Variants in FGF14 observed in about 807,000 individuals in gnomAD.
FGF14 encodes fibroblast growth factor 14.
FGF14 carries 5 observed loss-of-function variants against 25.5 expected under a neutral mutation model. The ratio of observed to expected loss-of-function variants is 0.20; its 90% CI spans 0.10 to 0.41. The LOEUF (loss-of-function observed/expected upper bound fraction) is 0.41, where lower values mean the gene tolerates loss of function less well. Ranked by LOEUF, FGF14 falls within the 10% of genes least tolerant of loss-of-function variation. The probability of loss-of-function intolerance (pLI) is 1.00; values close to 1 mark genes in which losing one functional copy is unlikely to be tolerated. For synonymous variants in FGF14, 138 were observed against 118.3 expected, an observed-to-expected ratio of 1.17 and a Z score of -1.08; for missense variants, 222 against 320.1, an observed-to-expected ratio of 0.69 and a Z score of 2.34.
At chr13:102,131,880 T>A (rs1187504186) in intron 1 of FGF14, among the ~76,000 whole-genome samples, 5 of 152,128 alleles carry the variant, frequency 3.3e-5, no homozygotes, top group African/African-American at 1.2e-4. Context: ...GTGAGATTCA[T>A]CGAAATAGCA....
chr13:102,353,401 C>T (rs2057341896), intron 1 of FGF14, among the ~76,000 whole-genome samples: 2 of 152,140 alleles, frequency 1.3e-5, no homozygotes, highest in African/African-American at 4.8e-5. Context: ...TCAATGTGAT[C>T]ACCCCAAAGC....
intron 2 of FGF14, among the ~76,000 whole-genome samples, chr13:101,874,698 A>G (rs1401828034): frequency 3.3e-5 from 5 of 152,132 alleles, no homozygotes; most frequent in Admixed American, 2.6e-4. Flanking sequence ...GTTTTTTTCT[A>G]TAAGAAAGTT....
intron 1 of FGF14, among the ~76,000 whole-genome samples, chr13:102,143,025 T>C (rs1414198109): frequency 1.3e-5 from 2 of 152,152 alleles, no homozygotes; most frequent in Admixed American, 1.3e-4. Context: ...GTTTTGTCAT[T>C]TTCCTCCTGA....
intron 1 of FGF14, among the ~76,000 whole-genome samples, chr13:102,258,192 C>CT (rs2052542354): frequency 6.6e-6 from 1 of 152,146 alleles, no homozygotes; most frequent in Non-Finnish European, 1.5e-5. Flanking sequence ...ACTCAATTAT[C>CT]TCCCACCAGG....
chr13:101,717,357 A>G lies in FGF14; in HGVS notation c.*5474T>C, dbSNP rs9645866. On this transcript the variant is annotated 3_prime_UTR_variant, in exon 5 of 5. Coordinates refer to ENST00000376143, the MANE Select transcript of FGF14 (RefSeq NM_004115.4). ...AGGAGTGCAACCATGTTGTAGTTCTATTATTGAGTACGTAAATTGATAGAT... is the reference window on the plus strand; with the variant it reads ...AGGAGTGCAACCATGTTGTAGTTCTGTTATTGAGTACGTAAATTGATAGAT... 1.3e-5 allele frequency: 2 copies of G among 152,014 alleles called. No homozygotes were observed. Among genetic ancestry groups the G allele is most frequent in the Non-Finnish European group, 2.9e-5 (2 of 67,980 alleles). 9.4% of individuals were successfully genotyped at this position (152,014 alleles called of 1,614,324 possible). A position where few individuals can be genotyped will look rare whatever the true frequency, so the allele number is the denominator to read the frequency against.
intron 1 of FGF14, among the ~76,000 whole-genome samples, chr13:102,210,444 A>G (rs2050110304): frequency 2.0e-5 from 3 of 152,210 alleles, no homozygotes; most frequent in Admixed American, 2.0e-4. Context: ...CATTTACATT[A>G]AAAACTACAT....
intron 1 of FGF14, among the ~76,000 whole-genome samples, chr13:102,278,738 A>G (rs1443666825): frequency 6.6e-6 from 1 of 151,964 alleles, no homozygotes; most frequent in Non-Finnish European, 1.5e-5. Context: ...CATAACGCTC[A>G]TTTGTTACAT....
chr13:102,245,511 T>C (rs1351165939), intron 1 of FGF14, among the ~76,000 whole-genome samples: 1 of 151,976 alleles, frequency 6.6e-6, no homozygotes, highest in Non-Finnish European at 1.5e-5. Context: ...AATGAAGGAG[T>C]AAATTTATGA....
chr13:102,346,828 G>A (rs543653379), intron 1 of FGF14, among the ~76,000 whole-genome samples: 6 of 152,130 alleles, frequency 3.9e-5, no homozygotes, highest in South Asian at 4.2e-4. Flanking sequence ...TGTGACTAGC[G>A]AGGCATTGCA....
intron 1 of FGF14, among the ~76,000 whole-genome samples, chr13:101,942,062 C>T (rs2035489607): frequency 6.6e-6 from 1 of 152,188 alleles, no homozygotes; most frequent in Non-Finnish European, 1.5e-5. Context: ...CATTAATTGA[C>T]TATTGGGCTA....
chr13:102,164,359 T>G (rs1175463523), intron 1 of FGF14, among the ~76,000 whole-genome samples: 1 of 152,188 alleles, frequency 6.6e-6, no homozygotes, highest in Non-Finnish European at 1.5e-5. Context: ...ACTTGAATAT[T>G]AGACACTGTG....
Position 101,979,444 on chromosome 13 carries a change from A to G in FGF14, c.209-104148T>C, listed in dbSNP as rs182061714. On this transcript the variant is annotated intron_variant, in intron 1 of 4. Coordinates refer to the FGF14 transcript ENST00000376131. ...ACTGAATTTCCCTTAACAAACTTCAAAATAGGCCTTGTTATTAGCCCTATT... is the reference window on the plus strand; with the variant it reads ...ACTGAATTTCCCTTAACAAACTTCAGAATAGGCCTTGTTATTAGCCCTATT... 1.2e-3 allele frequency among the ~76,000 whole-genome samples: 190 copies of G among 152,302 alleles called. 1 individual carries two copies. The highest frequency in any genetic ancestry group is 8.1e-4 in the Non-Finnish European group (55 of 68,022).
chr13:102,283,865 G>C (rs1415948000), intron 1 of FGF14, among the ~76,000 whole-genome samples: 1 of 152,150 alleles, frequency 6.6e-6, no homozygotes, highest in Non-Finnish European at 1.5e-5. Flanking sequence ...CAATTTCTGA[G>C]TCTCATTTCC....
At chr13:102,214,542 T>G (rs1224200876) in intron 1 of FGF14, among the ~76,000 whole-genome samples, 1 of 152,206 alleles carries the variant, frequency 6.6e-6, no homozygotes, top group Non-Finnish European at 1.5e-5. Flanking sequence ...TCATTAAGTG[T>G]GTTAAATTCA....
At chr13:101,873,509 C>A (rs1197196770) in intron 2 of FGF14, among the ~76,000 whole-genome samples, 1 of 152,050 alleles carries the variant, frequency 6.6e-6, no homozygotes, top group South Asian at 2.1e-4. Context: ...CTAGTTATTA[C>A]GTTCTAATCC....
chr13:101,822,521 C>T (rs2984844), intron 3 of FGF14, among the ~76,000 whole-genome samples: 92,119 of 150,788 alleles, frequency 0.61, 28,166 homozygotes, highest in South Asian at 0.69. Context: ...TGCTGGGATT[C>T]TGACATGGAT....
chr13:102,363,548 C>T (rs2057626033), intron 1 of FGF14, among the ~76,000 whole-genome samples: 1 of 152,200 alleles, frequency 6.6e-6, no homozygotes, highest in Non-Finnish European at 1.5e-5. Flanking sequence ...TGTTCCAGTA[C>T]ACCACCACTG....
rs201033233 is a variant in FGF14 at position 101,724,597 on chromosome 13, AATATATATATAT to A, written c.608-1642_608-1631del. Among the ~76,000 whole-genome samples, 764 of 121,264 alleles carry A rather than the reference AATATATATATAT, an allele frequency of 6.3e-3. 4 individuals are homozygous for A. Among genetic ancestry groups the A allele is most frequent in the African/African-American group, 0.018 (601 of 32,698 alleles). 79.6% of individuals were successfully genotyped at this position (121,264 alleles called of 152,430 possible). On this transcript the variant is annotated intron_variant, in intron 4 of 4. Transcript: ENST00000376143. ...CCTAGAACTTAAAGTATAATAATAA[AATATATATATAT>A]ATATATATATATATATATATATAAA...
rs149817666 is a variant in FGF14, at chr13:102,362,197, C to A, written c.208+39274G>T. 3.1e-3 allele frequency among the ~76,000 whole-genome samples: 477 copies of A among 152,292 alleles called. 5 individuals are homozygous for A. Among genetic ancestry groups the A allele is most frequent in the African/African-American group, 0.011 (467 of 41,580 alleles). On this transcript the variant is annotated intron_variant, in intron 1 of 4. Transcript: ENST00000376131. Reference sequence around the variant, plus strand: ...GGCCTGGGTTTAACCGTTTCATCTCCATTTCTAGCCACTCCTAACACTAGG... The same window carrying A: ...GGCCTGGGTTTAACCGTTTCATCTCAATTTCTAGCCACTCCTAACACTAGG...
Sources: gnomAD v4.1 joint callset for allele counts (sites outside exome capture counted in the v4.1 genomes callset) on GRCh38, gnomAD v4.1.1 for gene constraint, MANE v1.5 for transcripts, NCBI Gene and HGNC (gene_info 2026-07-23, HGNC 2026-07-21) for gene names.